Variants in NPAS3 observed in about 807,000 individuals in gnomAD.
NPAS3 encodes the protein neuronal PAS domain-containing protein 3.
A neutral mutation model predicts 73.1 loss-of-function variants in NPAS3; 14 were observed. The observed-to-expected ratio is 0.19, with a 90% CI of 0.13 to 0.30. The LOEUF (loss-of-function observed/expected upper bound fraction) is 0.30, where lower values mean the gene tolerates loss of function less well. Ranked by LOEUF, NPAS3 falls within the 10% of genes least tolerant of loss-of-function variation. NPAS3 has a pLI of 1.00. For missense variants in NPAS3, 1,096 were observed against 1,250.0 expected (o/e 0.88, Z 1.86); for synonymous variants, 620 against 541.5 (o/e 1.14, Z -2.01).
chr14:33,255,713 T>C (rs1277717347), intron 3 of NPAS3, among the ~76,000 whole-genome samples: 1 of 152,164 alleles, frequency 6.6e-6, no homozygotes, highest in Non-Finnish European at 1.5e-5. Flanking sequence ...GCCTTAGTCT[T>C]GGAAAACCAA....
At chr14:33,744,031 C>T (rs959592792) in intron 7 of NPAS3, among the ~76,000 whole-genome samples, 10 of 152,342 alleles carry the variant, frequency 6.6e-5, no homozygotes, top group African/African-American at 2.2e-4. Context: ...TCCCTAACAG[C>T]AGTAAGGCTG....
At chr14:33,459,537 G>A (rs1041012866) in intron 4 of NPAS3, among the ~76,000 whole-genome samples, 1 of 152,160 alleles carries the variant, frequency 6.6e-6, no homozygotes, top group Admixed American at 6.5e-5. Flanking sequence ...TCATCTCAAA[G>A]TCATTTGGTC....
At chr14:33,192,635 C>CG (rs980942582) in intron 2 of NPAS3, among the ~76,000 whole-genome samples, 1 of 152,000 alleles carries the variant, frequency 6.6e-6, no homozygotes, top group African/African-American at 2.4e-5. Flanking sequence ...TACCTTCATA[C>CG]GGGGGGAAAC....
chr14:33,550,320 CA>C (rs1322333627), intron 4 of NPAS3, among the ~76,000 whole-genome samples: 1 of 152,208 alleles, frequency 6.6e-6, no homozygotes, highest in African/African-American at 2.4e-5. Flanking sequence ...TTAAGACTGT[CA>C]TTTAATGTAC....
intron 5 of NPAS3, among the ~76,000 whole-genome samples, chr14:33,575,441 G>A (rs539181787): frequency 6.6e-6 from 1 of 152,262 alleles, no homozygotes; most frequent in South Asian, 2.1e-4. Flanking sequence ...ATATGAAGTA[G>A]TTTTGCCAGA....
chr14:33,240,143 AG>A (rs1392434174), intron 3 of NPAS3, among the ~76,000 whole-genome samples: 4 of 151,878 alleles, frequency 2.6e-5, no homozygotes, highest in Non-Finnish European at 5.9e-5. Context: ...TGCATGTAAG[AG>A]AGAGGATGAT....
intron 3 of NPAS3, among the ~76,000 whole-genome samples, chr14:33,322,084 G>T (rs558649087): frequency 6.6e-6 from 1 of 152,270 alleles, no homozygotes; most frequent in East Asian, 1.9e-4. Flanking sequence ...CTGAGCACAA[G>T]GACCTTTGTG....
chr14:33,433,535 A>G (rs2048863404), intron 4 of NPAS3, among the ~76,000 whole-genome samples: 1 of 152,198 alleles, frequency 6.6e-6, no homozygotes, highest in African/African-American at 2.4e-5. Context: ...TAACTTTGAA[A>G]TGGGCTGCTG....
intron 5 of NPAS3, among the ~76,000 whole-genome samples, chr14:33,620,560 T>C (rs2058050020): frequency 1.3e-5 from 2 of 152,122 alleles, no homozygotes; most frequent in African/African-American, 4.8e-5. Flanking sequence ...CTCAAAGAAA[T>C]GGCAAAGATG....
chr14:33,344,016 CT>C (rs2044615021), intron 3 of NPAS3, among the ~76,000 whole-genome samples: 2 of 152,170 alleles, frequency 1.3e-5, no homozygotes, highest in Admixed American at 1.3e-4. Context: ...GGAGAGTTCC[CT>C]TTACGTGTTG....
chr14:33,411,746 C>A (rs1385905991), intron 4 of NPAS3, among the ~76,000 whole-genome samples: 1 of 151,616 alleles, frequency 6.6e-6, no homozygotes, highest in Non-Finnish European at 1.5e-5. Context: ...TTTGTTCCTG[C>A]CATTTTTGCT....
chr14:33,330,232 G>A (rs987614171), intron 3 of NPAS3, among the ~76,000 whole-genome samples: 1 of 152,156 alleles, frequency 6.6e-6, no homozygotes, highest in Non-Finnish European at 1.5e-5. Context: ...GACAGAGTGA[G>A]ACACCATCTC....
chr14:33,563,513 T>TATATACAC (rs2055755200), intron 5 of NPAS3, among the ~76,000 whole-genome samples: 2 of 25,772 alleles, frequency 7.8e-5, no homozygotes, highest in Non-Finnish European at 1.7e-4. Flanking sequence ...CAGATACACA[T>TATATACAC]ACATACACAC....
At chr14:33,325,729 C>T (rs1213745353) in intron 3 of NPAS3, among the ~76,000 whole-genome samples, 3 of 145,018 alleles carry the variant, frequency 2.1e-5, no homozygotes, top group South Asian at 2.2e-4. Flanking sequence ...TTCATTCTAT[C>T]TGGGTTTTTT....
intron 2 of NPAS3, among the ~76,000 whole-genome samples, chr14:33,090,940 G>T (rs1199705875): frequency 2.0e-5 from 3 of 152,170 alleles, no homozygotes; most frequent in Non-Finnish European, 2.9e-5. Context: ...GATGTTCTTT[G>T]AAACCAATGA....
chr14:33,793,621 T>A (rs2063427886), intron 9 of NPAS3, among the ~76,000 whole-genome samples: 1 of 152,152 alleles, frequency 6.6e-6, no homozygotes, highest in South Asian at 2.1e-4. Context: ...GCCAAAGAGA[T>A]TTGTAGTCCT....
intron 4 of NPAS3, among the ~76,000 whole-genome samples, chr14:33,519,374 C>T (rs2053456186): frequency 6.6e-6 from 1 of 152,062 alleles, no homozygotes; most frequent in Non-Finnish European, 1.5e-5. Flanking sequence ...TCCTGGGACT[C>T]TGCTTATGCT....
chr14:33,565,013 T>C (rs1306908962), intron 5 of NPAS3, among the ~76,000 whole-genome samples: 1 of 152,122 alleles, frequency 6.6e-6, no homozygotes, highest in African/African-American at 2.4e-5. Context: ...CACCCTTATA[T>C]AAGGTATTTC....
At chr14:33,549,304 T>G (rs2054997518) in intron 4 of NPAS3, among the ~76,000 whole-genome samples, 1 of 152,178 alleles carries the variant, frequency 6.6e-6, no homozygotes, top group African/African-American at 2.4e-5. Flanking sequence ...CAATCTCGGC[T>G]CACTGCAAAC....
Sources: allele counts gnomAD v4.1 joint callset (sites outside exome capture counted in the v4.1 genomes callset), GRCh38; gene constraint gnomAD v4.1.1; transcripts MANE v1.5; gene names NCBI Gene and HGNC (gene_info 2026-07-23, HGNC 2026-07-21).